Variants in EYS observed in about 807,000 individuals in gnomAD.
The protein encoded by EYS is protein eyes shut homolog.
Under a neutral mutation model 282.1 loss-of-function variants are expected in EYS, and 250 were observed. That is an observed-to-expected ratio of 0.89 (90% CI 0.80 to 0.98). EYS has a LOEUF of 0.98. Ranked by LOEUF, EYS falls within the 50% of genes least tolerant of loss-of-function variation. The pLI is 0.00. For missense variants in EYS, 4,016 were observed against 3,709.0 expected (o/e 1.08, Z -2.15); for synonymous variants, 1,355 against 1,282.9 (o/e 1.06, Z -1.20).
chr6:65,029,962 T>TGCTA (rs1351619669), intron 13 of EYS, among the ~76,000 whole-genome samples: 1 of 152,104 alleles, frequency 6.6e-6, no homozygotes, highest in Admixed American at 6.5e-5. Flanking sequence ...AACACCAGAA[T>TGCTA]GCTAGCTTCA....
chr6:64,913,479 G>A (rs1768065990), intron 15 of EYS, among the ~76,000 whole-genome samples: 1 of 151,892 alleles, frequency 6.6e-6, no homozygotes, highest in Admixed American at 6.6e-5. Context: ...CCATTGTTTA[G>A]CTTCCACTTG....
chr6:63,801,275 A>AG (rs1282430747), intron 37 of EYS, among the ~76,000 whole-genome samples: 1 of 152,058 alleles, frequency 6.6e-6, no homozygotes, highest in African/African-American at 2.4e-5. Context: ...AGAAAGAAGG[A>AG]GAAAAAAACA....
At chr6:63,926,430 T>G (rs1029696614) in intron 35 of EYS, among the ~76,000 whole-genome samples, 6 of 152,236 alleles carry the variant, frequency 3.9e-5, no homozygotes, top group African/African-American at 1.4e-4. Flanking sequence ...TTAATACCAC[T>G]TGGGACTTTT....
intron 31 of EYS, among the ~76,000 whole-genome samples, chr6:64,115,846 G>A (rs1773365185): frequency 6.6e-6 from 1 of 152,144 alleles, no homozygotes; most frequent in African/African-American, 2.4e-5. Flanking sequence ...ACTTCCCAAA[G>A]TGGAGATCTA....
At chr6:64,452,141 A>G (rs1295368789) in intron 26 of EYS, among the ~76,000 whole-genome samples, 1 of 152,212 alleles carries the variant, frequency 6.6e-6, no homozygotes, top group African/African-American at 2.4e-5. Context: ...CCTTAAGCTG[A>G]TAAGCAACTT....
intron 22 of EYS, among the ~76,000 whole-genome samples, chr6:64,642,853 C>T (rs1019626451): frequency 5.3e-5 from 8 of 152,176 alleles, no homozygotes; most frequent in Admixed American, 3.3e-4. Context: ...CGGTGGCTCA[C>T]GCCTGTAATC....
intron 26 of EYS, among the ~76,000 whole-genome samples, chr6:64,550,981 G>A (rs1017654806): frequency 6.6e-6 from 1 of 151,858 alleles, no homozygotes; most frequent in Non-Finnish European, 1.5e-5. Flanking sequence ...TACTTGAACT[G>A]GCCAGAAACA....
chr6:64,400,887 T>C (rs764397723), intron 28 of EYS, among the ~76,000 whole-genome samples: 5 of 152,098 alleles, frequency 3.3e-5, no homozygotes, highest in Non-Finnish European at 7.4e-5. Flanking sequence ...GGTTTGTCAT[T>C]TGGACTGACA....
At chr6:64,032,145 T>TC (rs1562163950) in intron 33 of EYS, among the ~76,000 whole-genome samples, 1 of 151,720 alleles carries the variant, frequency 6.6e-6, no homozygotes, top group Non-Finnish European at 1.5e-5. Flanking sequence ...ACTGCAAAGG[T>TC]CCGCAGCTTC....
intron 42 of EYS, among the ~76,000 whole-genome samples, chr6:63,725,268 T>G (rs1316016789): frequency 6.6e-6 from 1 of 152,142 alleles, no homozygotes; most frequent in Non-Finnish European, 1.5e-5. Context: ...TGTAAGAAGA[T>G]GTGCTCTTGC....
intron 31 of EYS, among the ~76,000 whole-genome samples, chr6:64,200,619 CT>C (rs1765434786): frequency 6.6e-6 from 1 of 152,050 alleles, no homozygotes; most frequent in South Asian, 2.1e-4. Flanking sequence ...TTCATTATGG[CT>C]CAGAATTCCT....
At chr6:64,167,196 C>T (rs550357453) in intron 31 of EYS, among the ~76,000 whole-genome samples, 4 of 152,008 alleles carry the variant, frequency 2.6e-5, no homozygotes, top group East Asian at 3.9e-4. Context: ...AGAATCATAC[C>T]GCAAGGAATG....
At chr6:64,008,989 T>G (rs1768478006) in intron 33 of EYS, among the ~76,000 whole-genome samples, 1 of 152,164 alleles carries the variant, frequency 6.6e-6, no homozygotes, top group African/African-American at 2.4e-5. Context: ...TTCTCTGCAT[T>G]TCCTGAATTT....
intron 37 of EYS, among the ~76,000 whole-genome samples, chr6:63,789,514 A>T (rs1326395871): frequency 6.6e-6 from 1 of 152,150 alleles, no homozygotes; most frequent in East Asian, 1.9e-4. Context: ...CTTTTGTCGG[A>T]GTGAAATTCA....
At chr6:64,198,913 C>G (rs1032276122) in intron 31 of EYS, among the ~76,000 whole-genome samples, 4 of 152,174 alleles carry the variant, frequency 2.6e-5, no homozygotes, top group African/African-American at 9.7e-5. Context: ...CTGTCTTCCA[C>G]AATGGTTGAA....
chr6:63,797,527 G>A (rs977771277), intron 37 of EYS: 2 of 152,024 alleles, frequency 1.3e-5, no homozygotes, highest in African/African-American at 2.4e-5. Context: ...CTCTTAAAGA[G>A]CATATAGTCT....
chr6:64,324,103 C>T (rs184578254), intron 29 of EYS, among the ~76,000 whole-genome samples: 2 of 152,050 alleles, frequency 1.3e-5, no homozygotes, highest in African/African-American at 2.4e-5. Flanking sequence ...TTGTTCAGAG[C>T]CTTTGGGACT....
chr6:65,435,311 A>C (rs757937029), intron 5 of EYS, among the ~76,000 whole-genome samples: 19 of 152,148 alleles, frequency 1.2e-4, no homozygotes, highest in Admixed American at 2.0e-4. Flanking sequence ...AATTTCTGTA[A>C]GTCAAAGATT....
At chr6:65,692,118 C>CT (rs1042576148) in intron 1 of EYS, among the ~76,000 whole-genome samples, 1 of 150,274 alleles carries the variant, frequency 6.7e-6, no homozygotes, top group African/African-American at 2.4e-5. Context: ...AAAATTATGT[C>CT]TTTTAGGTGG....
Sources: gnomAD v4.1 joint callset for allele counts (sites outside exome capture counted in the v4.1 genomes callset) on GRCh38, gnomAD v4.1.1 for gene constraint, MANE v1.5 for transcripts, NCBI Gene and HGNC (gene_info 2026-07-23, HGNC 2026-07-21) for gene names.